R3HCC1L: variants seen among roughly 807,000 people sequenced by gnomAD.
The protein encoded by R3HCC1L is R3H domain and coiled-coil containing 1 like, also known as coiled-coil domain-containing protein R3HCC1L.
Under a neutral mutation model 59.9 loss-of-function variants are expected in R3HCC1L, and 51 were observed. The observed-to-expected ratio is 0.85, with a 90% CI of 0.68 to 1.07. The LOEUF (loss-of-function observed/expected upper bound fraction) is 1.07. R3HCC1L is among the 50% of genes least tolerant of loss of function. The pLI is 0.00. For synonymous variants in R3HCC1L, 322 were observed against 315.2 expected, an observed-to-expected ratio of 1.02 and a Z score of -0.23; for missense variants, 965 against 933.0, an observed-to-expected ratio of 1.03 and a Z score of -0.45.
chr10:98,234,967 G>A (rs538725153), intron 7 of R3HCC1L, among the ~76,000 whole-genome samples: 2 of 152,146 alleles, frequency 1.3e-5, no homozygotes, highest in South Asian at 2.1e-4. Context: ...TGATGCAGAG[G>A]CATTCAAAGA....
At chr10:98,224,348 A>C (rs1855416689) in intron 5 of R3HCC1L, among the ~76,000 whole-genome samples, 1 of 152,142 alleles carries the variant, frequency 6.6e-6, no homozygotes, top group South Asian at 2.1e-4. Context: ...ACTAAGTATT[A>C]AATAAACAGA....
At chr10:98,164,277 G>A (rs1847727153) in intron 4 of R3HCC1L, among the ~76,000 whole-genome samples, 1 of 152,192 alleles carries the variant, frequency 6.6e-6, no homozygotes, top group Non-Finnish European at 1.5e-5. Context: ...TTGATGTTGA[G>A]AGCTGAGTTC....
rs1856707820 is a variant in R3HCC1L at position 98,234,505 on chromosome 10, G to C, written c.2021G>C (p.Ser674Thr). 5.0e-6 allele frequency: 8 copies of C among 1,612,536 alleles called. No individual in the cohort carries two copies. Among genetic ancestry groups the C allele is most frequent in the East Asian group, 2.2e-5 (1 of 44,826 alleles). The change falls in exon 7 of 10, where the codon AGT (serine) becomes ACT (threonine). Residue 674 changes from serine (S) to threonine (T), a missense_variant. By Grantham distance (58) the Ser-to-Thr change is moderately conservative. Coordinates refer to ENST00000298999, the MANE Select transcript of R3HCC1L (RefSeq NM_001351015.2). ...ACACATGCCCTAGGAGTATTCTCCA[G>C]TCCAATTACAGGTATTCACCCAGTG... is the stretch of plus-strand genomic sequence containing the variant. ...DDTHALGVFSSPITARDALGI... is the reference protein window; with the variant it reads ...DDTHALGVFSTPITARDALGI...
At chr10:98,199,485 A>G (rs1851802444) in intron 4 of R3HCC1L, among the ~76,000 whole-genome samples, 1 of 151,974 alleles carries the variant, frequency 6.6e-6, no homozygotes, top group Admixed American at 6.6e-5. Flanking sequence ...TCTTTTTGTA[A>G]CAAATTTAAA....
chr10:98,225,214 G>T (rs1309137563), intron 5 of R3HCC1L, among the ~76,000 whole-genome samples: 2 of 152,164 alleles, frequency 1.3e-5, no homozygotes, highest in Non-Finnish European at 2.9e-5. Flanking sequence ...TACATAATCA[G>T]TACATCAGAT....
At chr10:98,142,896 C>G (rs533707104) in intron 1 of R3HCC1L, among the ~76,000 whole-genome samples, 1 of 151,932 alleles carries the variant, frequency 6.6e-6, no homozygotes, top group South Asian at 2.1e-4. Flanking sequence ...GGTTATGCCA[C>G]TGCACTCTGG....
chr10:98,152,490 T>TGC (rs1846295108), intron 1 of R3HCC1L, among the ~76,000 whole-genome samples: 1 of 85,774 alleles, frequency 1.2e-5, no homozygotes, highest in Admixed American at 1.4e-4. Flanking sequence ...CCGGCCGCCA[T>TGC]CCCGTCTAGG....
At position 98,208,671 on chromosome 10, in the gene R3HCC1L, G is replaced by C; in HGVS notation, c.557G>C (p.Cys186Ser). 1 of 1,614,158 alleles carries C rather than the reference G, an allele frequency of 6.2e-7. No individual in the cohort carries two copies. The highest frequency in any genetic ancestry group is 8.5e-7 in the Non-Finnish European group (1 of 1,180,028). The stretch of plus-strand genomic sequence containing the variant: ...AAACCATTCCAAAATGTGGAATTCT[G>C]TGACTTCAGTAGGCATGAACCTGAT... ...PSKPFQNVEF[C>S]DFSRHEPDGE... Residue 186 changes from cysteine to serine, a missense_variant, in exon 5 of 10, where the codon TGT becomes TCT. Cys to Ser is a moderately radical substitution (Grantham distance 112). Transcript: ENST00000298999.
Position 98,209,025 on chromosome 10 carries a change from A to G in R3HCC1L, c.911A>G (p.Asp304Gly). The stretch of plus-strand genomic sequence containing the variant: ...ACAGGTTTCATCTTAGATCAAAAAG[A>G]TACAGATTCCATTCCTGCAACTATG... ...NSTGFILDQK[D>G]TDSIPATMGH... The change falls in exon 5 of 10, where the codon GAT becomes GGT. Residue 304 changes from aspartate to glycine, a missense_variant. Coordinates refer to ENST00000298999, the MANE Select transcript of R3HCC1L (RefSeq NM_001351015.2). The G allele has an allele frequency of 6.2e-7, 1 of 1,613,848 alleles. No individual in the cohort carries two copies. Among genetic ancestry groups the G allele is most frequent in the East Asian group, 2.2e-5 (1 of 44,856 alleles).
intron 4 of R3HCC1L, among the ~76,000 whole-genome samples, chr10:98,188,554 T>A (rs1359192889): frequency 1.3e-5 from 2 of 152,226 alleles, no homozygotes; most frequent in Non-Finnish European, 2.9e-5. Flanking sequence ...AACTTCCTTA[T>A]CAGCTTTGTT....
chr10:98,206,182 C>T (rs987172348), intron 4 of R3HCC1L, among the ~76,000 whole-genome samples: 2 of 151,940 alleles, frequency 1.3e-5, no homozygotes, highest in African/African-American at 4.8e-5. Context: ...TTTCTAGACT[C>T]TGTAATCTAA....
intron 4 of R3HCC1L, chr10:98,186,500 T>TA: frequency 3.1e-6 from 3 of 983,290 alleles, no homozygotes; most frequent in Non-Finnish European, 3.6e-6. Flanking sequence ...TGGTGGATCT[T>TA]ACATAAACCT....
chr10:98,166,956 C>T (rs902534375), intron 4 of R3HCC1L, among the ~76,000 whole-genome samples: 7 of 152,080 alleles, frequency 4.6e-5, no homozygotes, highest in South Asian at 2.1e-4. Flanking sequence ...TGAGCCACCG[C>T]GCCTGACCCC....
intron 1 of R3HCC1L, among the ~76,000 whole-genome samples, chr10:98,138,874 T>C (rs942519565): frequency 4.6e-5 from 7 of 152,192 alleles, no homozygotes; most frequent in Non-Finnish European, 7.3e-5. Flanking sequence ...CCCTGCATGG[T>C]TGAGAAGATT....
At chr10:98,240,174 C>T (rs547993987) in intron 9 of R3HCC1L, among the ~76,000 whole-genome samples, 70 of 152,226 alleles carry the variant, frequency 4.6e-4, no homozygotes, top group African/African-American at 1.2e-3. Flanking sequence ...GGCATGGTGG[C>T]GCGCACCTGT....
At chr10:98,166,448 G>A (rs781484343) in intron 4 of R3HCC1L, among the ~76,000 whole-genome samples, 38 of 152,112 alleles carry the variant, frequency 2.5e-4, no homozygotes, top group Non-Finnish European at 4.1e-4. Flanking sequence ...GACTTTTTGC[G>A]TCTTCACATG....
intron 1 of R3HCC1L, among the ~76,000 whole-genome samples, chr10:98,142,555 A>G (rs1303498587): frequency 6.6e-6 from 1 of 151,656 alleles, no homozygotes; most frequent in Non-Finnish European, 1.5e-5. Context: ...TGAGAATCAC[A>G]TGAGCCCAGG....
chr10:98,164,014 A>G (rs1682435667), intron 4 of R3HCC1L, among the ~76,000 whole-genome samples: 1 of 152,166 alleles, frequency 6.6e-6, no homozygotes, highest in South Asian at 2.1e-4. Context: ...CTCACATCTA[A>G]TGATGATCTT....
chr10:98,152,454 A>G (rs1437835581), intron 1 of R3HCC1L, among the ~76,000 whole-genome samples: 3 of 123,470 alleles, frequency 2.4e-5, no homozygotes, highest in Non-Finnish European at 5.1e-5. Context: ...CGGCTGCCCA[A>G]TCTGGGAAGT....
Sources: allele counts gnomAD v4.1 joint callset (sites outside exome capture counted in the v4.1 genomes callset), GRCh38; gene constraint gnomAD v4.1.1; transcripts MANE v1.5; gene names NCBI Gene and HGNC (gene_info 2026-07-23, HGNC 2026-07-21).